The following CLSTN2 variants were observed in gnomAD, a reference collection of about 807,000 sequenced individuals.
CLSTN2 encodes the protein calsyntenin 2.
Under a neutral mutation model 101.2 loss-of-function variants are expected in CLSTN2, and 48 were observed. That is an observed-to-expected ratio of 0.47 (90% CI 0.38 to 0.60). The LOEUF (loss-of-function observed/expected upper bound fraction) is 0.60, where lower values mean the gene tolerates loss of function less well. Among genes scored for constraint, CLSTN2 ranks in the 20% least tolerant of loss-of-function variants. The pLI, the probability that CLSTN2 is intolerant of heterozygous loss-of-function variation, is 0.00. For synonymous variants in CLSTN2, 481 were observed against 463.6 expected, an observed-to-expected ratio of 1.04 and a Z score of -0.48; for missense variants, 1,160 against 1,238.2, an observed-to-expected ratio of 0.94 and a Z score of 0.95.
chr3:140,176,630 A>G (rs1360657623), intron 2 of CLSTN2, among the ~76,000 whole-genome samples: 2 of 152,152 alleles, frequency 1.3e-5, no homozygotes, highest in African/African-American at 2.4e-5. Flanking sequence ...CATCAAGGCT[A>G]CCTCTGTTTC....
chr3:140,048,337 G>T (rs2007922379), intron 1 of CLSTN2, among the ~76,000 whole-genome samples: 1 of 152,202 alleles, frequency 6.6e-6, no homozygotes, highest in South Asian at 2.1e-4. Context: ...GATGAATAAA[G>T]ATCTCCAGTG....
intron 1 of CLSTN2, among the ~76,000 whole-genome samples, chr3:139,948,769 C>T (rs1935250598): frequency 1.3e-5 from 2 of 152,298 alleles, no homozygotes; most frequent in South Asian, 2.1e-4. Flanking sequence ...CACAGTCACT[C>T]CTGCTCAAAA....
At chr3:140,049,671 G>A (rs1002771837) in intron 1 of CLSTN2, among the ~76,000 whole-genome samples, 20 of 152,146 alleles carry the variant, frequency 1.3e-4, no homozygotes, top group Admixed American at 1.2e-3. Context: ...TGCTTCAAGA[G>A]ACACACATCA....
intron 2 of CLSTN2, among the ~76,000 whole-genome samples, chr3:140,247,042 C>T (rs1027311461): frequency 6.6e-6 from 1 of 152,156 alleles, no homozygotes; most frequent in Non-Finnish European, 1.5e-5. Flanking sequence ...AACACATCCA[C>T]CCTGATGGGT....
chr3:140,562,902 G>A lies in CLSTN2; in HGVS notation c.2304G>A (p.Arg768=). The A allele has an allele frequency of 6.2e-7, 1 of 1,614,138 alleles. No homozygotes were observed. The part of the protein sequence containing the change: ...RPASLEARRF[R]IKCSELNGRY... ...CTTCCCTTGAGGCCCGGCGTTTCCG[G>A]ATTAAGTGCTCAGAACTCAATGGGC... The change falls in exon 14 of 17, where the codon CGG becomes CGA. Residue 768 remains arginine (R), a synonymous_variant. Coordinates refer to ENST00000458420, the MANE Select transcript of CLSTN2 (RefSeq NM_022131.3).
intron 10 of CLSTN2, among the ~76,000 whole-genome samples, chr3:140,548,139 G>C (rs2107787563): frequency 6.6e-6 from 1 of 152,300 alleles, no homozygotes. Context: ...GGTGGTCTGA[G>C]AGTATTCTTT....
chr3:140,544,346 CAG>C (rs1444187892), intron 9 of CLSTN2, among the ~76,000 whole-genome samples: 7 of 152,308 alleles, frequency 4.6e-5, no homozygotes, highest in African/African-American at 1.7e-4. Flanking sequence ...ACAGTGTGCA[CAG>C]AGTGACAAGA....
rs1488242610 is a variant in CLSTN2 at position 139,995,344 on chromosome 3, T to G, written c.109+59861T>G. 2.6e-5 allele frequency among the ~76,000 whole-genome samples: 4 copies of G among 152,216 alleles called. No individual in the cohort carries two copies. In the East Asian group the frequency reaches 7.7e-4, roughly 29 times the overall value. On this transcript the variant is annotated intron_variant, in intron 1 of 16. Coordinates refer to ENST00000458420, the MANE Select transcript of CLSTN2 (RefSeq NM_022131.3). Reference sequence around the variant, plus strand: ...ATAGCATATTTTCCACATGTCAAGTTAAATACGCTATTGTCTATCCTGATT... The same window carrying G: ...ATAGCATATTTTCCACATGTCAAGTGAAATACGCTATTGTCTATCCTGATT...
At chr3:140,277,248 T>A (rs1330141200) in intron 2 of CLSTN2, among the ~76,000 whole-genome samples, 1 of 152,222 alleles carries the variant, frequency 6.6e-6, no homozygotes, top group African/African-American at 2.4e-5. Flanking sequence ...TGTGGAACTC[T>A]TCAAGGAGGG....
intron 4 of CLSTN2, among the ~76,000 whole-genome samples, chr3:140,407,960 G>A (rs1441846145): frequency 2.6e-5 from 4 of 152,090 alleles, no homozygotes; most frequent in South Asian, 2.1e-4. Flanking sequence ...AGTATGGGGC[G>A]ATGTCAGCAA....
At chr3:139,965,621 C>G (rs932809191) in intron 1 of CLSTN2, among the ~76,000 whole-genome samples, 2 of 152,170 alleles carry the variant, frequency 1.3e-5, no homozygotes, top group African/African-American at 4.8e-5. Flanking sequence ...TCTCAGAGGA[C>G]GGGGGCAAAC....
chr3:140,253,958 G>A (rs2086584359), intron 2 of CLSTN2, among the ~76,000 whole-genome samples: 1 of 152,088 alleles, frequency 6.6e-6, no homozygotes, highest in Admixed American at 6.5e-5. Context: ...GGTCAGTTGG[G>A]TGACATTTCA....
At chr3:139,961,382 G>A (rs182708579) in intron 1 of CLSTN2, among the ~76,000 whole-genome samples, 5 of 152,270 alleles carry the variant, frequency 3.3e-5, no homozygotes, top group Admixed American at 6.5e-5. Flanking sequence ...TAGGTATTGT[G>A]GCAAGGTGGG....
intron 1 of CLSTN2, among the ~76,000 whole-genome samples, chr3:140,105,586 A>G (rs1180508618): frequency 6.6e-6 from 1 of 152,118 alleles, no homozygotes; most frequent in African/African-American, 2.4e-5. Flanking sequence ...CTGGGAAAAT[A>G]TTTACTAAGC....
At chr3:140,429,698 C>T (rs938830151) in intron 5 of CLSTN2, among the ~76,000 whole-genome samples, 2 of 152,202 alleles carry the variant, frequency 1.3e-5, no homozygotes, top group South Asian at 4.2e-4. Context: ...GGGAGGGAGA[C>T]CAGCAGAAAA....
chr3:139,977,636 C>T (rs1036443798), intron 1 of CLSTN2, among the ~76,000 whole-genome samples: 12 of 150,470 alleles, frequency 8.0e-5, no homozygotes, highest in African/African-American at 2.7e-4. Context: ...ATTTCTGGGA[C>T]GCTCCTTTGT....
chr3:140,179,347 G>C (rs538420378), intron 2 of CLSTN2, among the ~76,000 whole-genome samples: 1 of 149,420 alleles, frequency 6.7e-6, no homozygotes, highest in Non-Finnish European at 1.5e-5. Context: ...ATCATGCTGG[G>C]TGCTCATGCT....
intron 2 of CLSTN2, among the ~76,000 whole-genome samples, chr3:140,366,869 T>C (rs2087796444): frequency 6.6e-6 from 1 of 152,246 alleles, no homozygotes; most frequent in African/African-American, 2.4e-5. Context: ...GCCGATGTCC[T>C]GGGCGTTGTG....
At chr3:140,004,674 G>A (rs1434205729) in intron 1 of CLSTN2, among the ~76,000 whole-genome samples, 3 of 152,184 alleles carry the variant, frequency 2.0e-5, no homozygotes, top group Admixed American at 6.5e-5. Flanking sequence ...TTGGAAAAAA[G>A]AGACGTATTT....
Sources: allele counts gnomAD v4.1 joint callset (sites outside exome capture counted in the v4.1 genomes callset), GRCh38; gene constraint gnomAD v4.1.1; transcripts MANE v1.5; gene names NCBI Gene and HGNC (gene_info 2026-07-23, HGNC 2026-07-21).